Variants in DSG3 observed in about 807,000 individuals in gnomAD.
The protein encoded by DSG3 is desmoglein-3.
Under a neutral mutation model 85.9 loss-of-function variants are expected in DSG3, and 63 were observed. That is an observed-to-expected ratio of 0.73 (90% CI 0.60 to 0.90). DSG3 has a LOEUF of 0.90. Ranked by LOEUF, DSG3 falls within the 40% of genes least tolerant of loss-of-function variation. The probability of loss-of-function intolerance (pLI) is 0.00; values close to 1 mark genes in which losing one functional copy is unlikely to be tolerated. For missense variants in DSG3, 1,220 were observed against 1,219.9 expected, an observed-to-expected ratio of 1.00 and a Z score of 0.00; for synonymous variants, 447 against 441.9, an observed-to-expected ratio of 1.01 and a Z score of -0.14.
chr18:31,459,261 A>G (rs2072768717), intron 5 of DSG3, 84 bp downstream of exon 5: 1 of 1,273,362 alleles, frequency 7.9e-7, no homozygotes, highest in South Asian at 1.5e-5. Flanking sequence ...CTTATAAACT[A>G]ATTTATGCTC....
In DSG3 at chr18:31,474,140, T is replaced by C; in HGVS notation, c.2121T>C (p.Tyr707=). The change falls in exon 15 of 16, where the codon TAT becomes TAC. Residue 707 remains tyrosine, a synonymous_variant. Coordinates refer to ENST00000257189, the MANE Select transcript of DSG3 (RefSeq NM_001944.3). ...TTTTAGAAGTTTGTACAAATACGTA[T>C]GCCAGAGGCACAGCGGTGGAAGGCA... is the stretch of plus-strand genomic sequence containing the variant. ...MESSEVCTNT[Y]ARGTAVEGTS... 1.9e-6 allele frequency: 3 copies of C among 1,613,124 alleles called. No homozygotes were observed. The highest frequency in any genetic ancestry group is 2.7e-5 in the African/African-American group (2 of 75,048).
rs1038169449 is a variant in DSG3, at chr18:31,447,807, T to C, written c.-71T>C. The C allele has an allele frequency of 2.2e-6, 3 of 1,347,034 alleles. No individual in the cohort carries two copies. The highest frequency in any genetic ancestry group is 2.7e-5 in the South Asian group (2 of 73,192). 83.4% of individuals were successfully genotyped at this position (1,347,034 alleles called of 1,614,324 possible). A position where few individuals can be genotyped will look rare whatever the true frequency, so the allele number is the denominator to read the frequency against. On this transcript the variant is annotated 5_prime_UTR_variant, in exon 1 of 16. Coordinates refer to ENST00000257189, the MANE Select transcript of DSG3 (RefSeq NM_001944.3). The stretch of plus-strand genomic sequence containing the variant: ...CGCTGCAGAGGGCTTTTCTTAGACA[T>C]CAACTGCAGACGGCTGGCAGGATAG...
intron 10 of DSG3, among the ~76,000 whole-genome samples, chr18:31,465,800 C>A (rs952921905): frequency 6.6e-6 from 1 of 152,092 alleles, no homozygotes; most frequent in African/African-American, 2.4e-5. Context: ...ACGTCAGGTG[C>A]TTTTGTGAGG....
At chr18:31,456,261 A>G (rs1385455595) in intron 1 of DSG3, among the ~76,000 whole-genome samples, 179 bp from the exon 2 acceptor site, 1 of 152,230 alleles carries the variant, frequency 6.6e-6, no homozygotes, top group Non-Finnish European at 1.5e-5. Context: ...ATTGACAGTA[A>G]TATTCCTTTT....
chr18:31,461,306 C>G lies in DSG3; in HGVS notation c.893C>G (p.Thr298Arg), dbSNP rs1443685095. The G allele has an allele frequency of 1.2e-6, 2 of 1,613,214 alleles. No individual in the cohort carries two copies. The highest frequency in any genetic ancestry group is 1.7e-6 in the Non-Finnish European group (2 of 1,179,544). Residue 298 changes from threonine (T) to arginine (R), a missense_variant, in exon 8 of 16, where the codon ACA (threonine) becomes AGA (arginine). Physicochemically the swap from Thr to Arg is moderately conservative, Grantham distance 71. Coordinates refer to ENST00000257189, the MANE Select transcript of DSG3 (RefSeq NM_001944.3). Reference sequence around the variant, plus strand: ...GTAACAGATTTGGATGAAGAGTACACAGATAATTGGCTTGCAGTATATTTC... The same window carrying G: ...GTAACAGATTTGGATGAAGAGTACAGAGATAATTGGCTTGCAGTATATTTC... ...FQVTDLDEEY[T>R]DNWLAVYFFT...
intron 8 of DSG3, among the ~76,000 whole-genome samples, chr18:31,462,362 G>A (rs1024107531): frequency 2.6e-5 from 4 of 152,264 alleles, no homozygotes; most frequent in Non-Finnish European, 4.4e-5. Context: ...ATGAGCCATC[G>A]CATCTGGCCC....
chr18:31,460,982 A>T, intron 7 of DSG3, 21 bp downstream of exon 7: 1 of 1,563,812 alleles, frequency 6.4e-7, no homozygotes, highest in Non-Finnish European at 8.6e-7. Context: ...TGCTCCTTAA[A>T]GAATCATTTA....
In DSG3 at chr18:31,476,366, A is replaced by G; in HGVS notation, c.*106A>G. 1 of 1,354,944 alleles carries G rather than the reference A, an allele frequency of 7.4e-7. No individual in the cohort carries two copies. Among genetic ancestry groups the G allele is most frequent in the South Asian group, 1.4e-5 (1 of 69,454 alleles). 83.9% of individuals were successfully genotyped at this position (1,354,944 alleles called of 1,614,324 possible). On this transcript the variant is annotated 3_prime_UTR_variant, in exon 16 of 16. Transcript: ENST00000257189. ...GTATTGGGCTAATAATTTGGCACTTATTAGCTTCTCTCATAAACTGATCAC... is the reference window on the plus strand; with the variant it reads ...GTATTGGGCTAATAATTTGGCACTTGTTAGCTTCTCTCATAAACTGATCAC...
Position 31,476,013 on chromosome 18 carries a change from CAGCT to C in DSG3, c.2754_2757del (p.Ala919PhefsTer13), listed in dbSNP as rs775886188. On this transcript the variant is annotated frameshift_variant, in exon 16 of 16. Transcript: ENST00000257189. LOFTEE classifies it low-confidence loss of function (END_TRUNC). ...TTGTCCACCTCTGGGTCTGTCCAGC[CAGCT>C]GTTTCCATCCCTGACCCTCTGCAGC... 17 of 1,614,086 alleles carry C rather than the reference CAGCT, an allele frequency of 1.1e-5. No individual in the cohort carries two copies. Among genetic ancestry groups the C allele is most frequent in the Admixed American group, 1.7e-5 (1 of 60,000 alleles).
chr18:31,466,628 A>G lies in DSG3; in HGVS notation c.1510A>G (p.Ser504Gly). 6.2e-7 allele frequency: 1 copy of G among 1,614,256 alleles called. No individual in the cohort carries two copies. The highest frequency in any genetic ancestry group is 8.5e-7 in the Non-Finnish European group (1 of 1,180,042). The change falls in exon 11 of 16, where the codon AGT becomes GGT. Residue 504 changes from serine (S) to glycine (G), a missense_variant. Coordinates refer to ENST00000257189, the MANE Select transcript of DSG3 (RefSeq NM_001944.3). ...TAVLEKDAVC[S>G]SSPSVVVSAR... is the part of the protein sequence containing the mutation. ...TGTCCTCGAAAAAGATGCAGTTTGC[A>G]GTTCTTCACCTTCCGTGGTTGTCTC... is the stretch of plus-strand genomic sequence containing the variant.
At position 31,456,468 on chromosome 18, in the gene DSG3, G is replaced by T; in HGVS notation, c.77G>T (p.Arg26Leu). The change falls in exon 2 of 16, where the codon CGA becomes CTA. Residue 26 changes from arginine (R) to leucine (L), a missense_variant. Arg to Leu is a moderately radical substitution (Grantham distance 102). Coordinates refer to ENST00000257189, the MANE Select transcript of DSG3 (RefSeq NM_001944.3). ...GTCATATTGGTTCATGGAGAATTGC[G>T]AATAGAGGTAAAGTATGAAAAAGGT... is the stretch of plus-strand genomic sequence containing the variant. ...VVVILVHGELRIETKGQYDEE... is the reference protein window; with the variant it reads ...VVVILVHGELLIETKGQYDEE... 7.5e-7 allele frequency: 1 copy of T among 1,339,022 alleles called. No individual in the cohort carries two copies. Among genetic ancestry groups the T allele is most frequent in the Non-Finnish European group, 9.6e-7 (1 of 1,036,794 alleles). 82.9% of individuals were successfully genotyped at this position (1,339,022 alleles called of 1,614,324 possible). A position where few individuals can be genotyped will look rare whatever the true frequency, so the allele number is the denominator to read the frequency against.
chr18:31,469,278 G>C lies in DSG3; in HGVS notation c.1826G>C (p.Gly609Ala). The change falls in exon 12 of 16, where the codon GGC becomes GCC. Residue 609 changes from glycine to alanine, a missense_variant. By Grantham distance (60) the Gly-to-Ala change is moderately conservative. Coordinates refer to ENST00000257189, the MANE Select transcript of DSG3 (RefSeq NM_001944.3). The part of the protein sequence containing the change: ...YPTTSPGTRY[G>A]RPHSGRLGPA... ...ACCACAAGCCCTGGGACCAGGTATG[G>C]CAGGCCGCACTCAGGGAGGCTGGGG... 1.9e-6 allele frequency: 3 copies of C among 1,614,060 alleles called. No individual in the cohort carries two copies. Among genetic ancestry groups the C allele is most frequent in the Non-Finnish European group, 2.5e-6 (3 of 1,180,002 alleles).
Position 31,457,072 on chromosome 18 carries a change from C to A in DSG3, c.164C>A (p.Ala55Asp). ...CAAAAACGTGAATGGGTGAAATTTG[C>A]CAAACCCTGCAGAGAAGGAGAAGAT... ...RRQKREWVKFAKPCREGEDNS... is the reference protein window; with the variant it reads ...RRQKREWVKFDKPCREGEDNS... The change falls in exon 3 of 16, where the codon GCC becomes GAC. Residue 55 changes from alanine to aspartate, a missense_variant. Physicochemically the swap from Ala to Asp is moderately radical, Grantham distance 126. Transcript: ENST00000257189. 1 of 1,612,740 alleles carries A rather than the reference C, an allele frequency of 6.2e-7. No homozygotes were observed. Among genetic ancestry groups the A allele is most frequent in the Non-Finnish European group, 8.5e-7 (1 of 1,179,382 alleles).
intron 11 of DSG3, among the ~76,000 whole-genome samples, chr18:31,467,865 G>A (rs2072831605): frequency 1.3e-5 from 2 of 152,244 alleles, no homozygotes; most frequent in South Asian, 2.1e-4. Context: ...CTTTCCTTGG[G>A]CCCTCACACT....
intron 14 of DSG3, 73 bp downstream of exon 14, chr18:31,472,861 A>T (rs1169914333): frequency 4.4e-6 from 6 of 1,357,886 alleles, no homozygotes; most frequent in Non-Finnish European, 6.3e-6. Context: ...AAGTGTTCAA[A>T]CTATCTTCTT....
chr18:31,465,974 A>C (rs73414217), intron 10 of DSG3, among the ~76,000 whole-genome samples: 1 of 152,230 alleles, frequency 6.6e-6, no homozygotes, highest in Non-Finnish European at 1.5e-5. Context: ...AATAAGTATC[A>C]AAAAGATTGC....
At chr18:31,469,783 A>T (rs985298973) in intron 12 of DSG3, among the ~76,000 whole-genome samples, 4 of 152,290 alleles carry the variant, frequency 2.6e-5, no homozygotes, top group Non-Finnish European at 4.4e-5. Context: ...AGGGTATCAT[A>T]GGCTATTAAG....
chr18:31,466,601 G>C lies in DSG3; in HGVS notation c.1483G>C (p.Ala495Pro), dbSNP rs1285304066. The part of the protein sequence containing the change: ...VPDFNDNCPT[A>P]VLEKDAVCSS... ...CGATTTCAATGACAATTGTCCAACA[G>C]CTGTCCTCGAAAAAGATGCAGTTTG... is the stretch of plus-strand genomic sequence containing the variant. The change falls in exon 11 of 16, where the codon GCT (alanine) becomes CCT (proline). Residue 495 changes from alanine to proline, a missense_variant. By Grantham distance (27) the Ala-to-Pro change is conservative. Transcript: ENST00000257189. 6.2e-7 allele frequency: 1 copy of C among 1,614,212 alleles called. No homozygotes were observed. The highest frequency in any genetic ancestry group is 2.2e-5 in the East Asian group (1 of 44,878).
Position 31,464,392 on chromosome 18 carries a change from T to G in DSG3, c.1271+10T>G, listed in dbSNP as rs1264501045. 1 of 1,598,092 alleles carries G rather than the reference T, an allele frequency of 6.3e-7. No homozygotes were observed. The highest frequency in any genetic ancestry group is 8.5e-7 in the Non-Finnish European group (1 of 1,171,954). The stretch of plus-strand genomic sequence containing the variant: ...CTGCCTCAAATGTCAAGTAAGACTA[T>G]TTTTATTTATATCCTATTTCTTGAT... On this transcript the variant is annotated intron_variant, in intron 9 of 15. Coordinates refer to ENST00000257189, the MANE Select transcript of DSG3 (RefSeq NM_001944.3).
Sources: gnomAD v4.1 joint callset for allele counts (sites outside exome capture counted in the v4.1 genomes callset) on GRCh38, gnomAD v4.1.1 for gene constraint, MANE v1.5 for transcripts, NCBI Gene and HGNC (gene_info 2026-07-23, HGNC 2026-07-21) for gene names.